TPD52: variants seen among roughly 807,000 people sequenced by gnomAD.
TPD52 encodes tumor protein D52.
Under a neutral mutation model 31.3 loss-of-function variants are expected in TPD52, and 17 were observed. The ratio of observed to expected loss-of-function variants is 0.54; its 90% CI spans 0.37 to 0.82. The LOEUF is 0.82. Ranked by LOEUF, TPD52 falls within the 40% of genes least tolerant of loss-of-function variation. The pLI, the probability that TPD52 is intolerant of heterozygous loss-of-function variation, is 0.00. For synonymous variants in TPD52, 83 were observed against 89.6 expected (o/e 0.93, Z 0.42); for missense variants, 212 against 240.1 (o/e 0.88, Z 0.77).
At chr8:80,069,322 C>T (rs1342987617) in intron 1 of TPD52, among the ~76,000 whole-genome samples, 4 of 151,496 alleles carry the variant, frequency 2.6e-5, no homozygotes, top group East Asian at 3.9e-4. Flanking sequence ...AACCATTAGC[C>T]GGGTATAGTG....
At chr8:80,112,699 T>A (rs562326810) in intron 1 of TPD52, among the ~76,000 whole-genome samples, 1 of 152,302 alleles carries the variant, frequency 6.6e-6, no homozygotes, top group African/African-American at 2.4e-5. Context: ...ACTTATCAGT[T>A]CACACAAATC....
chr8:80,131,274 G>A (rs1037514426), intron 1 of TPD52, among the ~76,000 whole-genome samples: 2 of 152,136 alleles, frequency 1.3e-5, no homozygotes, highest in Non-Finnish European at 2.9e-5. Context: ...TCAGTCCAAC[G>A]ATTCCATCTG....
At chr8:80,129,703 CT>C (rs5892709) in intron 1 of TPD52, among the ~76,000 whole-genome samples, 81 of 130,066 alleles carry the variant, frequency 6.2e-4, no homozygotes, top group Middle Eastern at 3.9e-3. Flanking sequence ...ACTCTCATTT[CT>C]TTTTTTTTTT....
At chr8:80,169,028 A>C (rs1305515314) in intron 1 of TPD52, among the ~76,000 whole-genome samples, 1 of 152,236 alleles carries the variant, frequency 6.6e-6, no homozygotes, top group Non-Finnish European at 1.5e-5. Flanking sequence ...TCTGTCGCCC[A>C]GGCTGGAGTG....
intron 1 of TPD52, among the ~76,000 whole-genome samples, chr8:80,136,523 C>CAAAAAAAAAAAAAAA (rs56656428): frequency 1.5e-5 from 1 of 67,080 alleles, no homozygotes. Context: ...GACTCTGTCT[C>CAAAAAAAAAAAAAAA]AAAAAAAAAA....
In TPD52 at chr8:80,171,505, G is replaced by A. The variant is rs1229183413; in HGVS notation, c.-62C>T. On this transcript the variant is annotated 5_prime_UTR_variant, in exon 1 of 8. Coordinates refer to ENST00000518937, the MANE Select transcript of TPD52 (RefSeq NM_001025253.3). ...CCCGCCTGCAGCCCGTCCCGGCTCG[G>A]ATCGCCCGCCGCGCCGCGCAGAGCT... The A allele has an allele frequency of 1.1e-5, 17 of 1,513,312 alleles. No individual in the cohort carries two copies. The highest frequency in any genetic ancestry group is 1.1e-4 in the Admixed American group (5 of 47,420). 93.7% of individuals were successfully genotyped at this position (1,513,312 alleles called of 1,614,324 possible). A position where few individuals can be genotyped will look rare whatever the true frequency, so the allele number is the denominator to read the frequency against.
At chr8:80,081,743 G>A (rs185894849) in intron 1 of TPD52, among the ~76,000 whole-genome samples, 115 of 151,352 alleles carry the variant, frequency 7.6e-4, no homozygotes, top group Non-Finnish European at 1.5e-3. Context: ...CAGAATATAT[G>A]CTGGATGATT....
chr8:80,095,741 C>T (rs902543850), intron 1 of TPD52, among the ~76,000 whole-genome samples: 3 of 151,912 alleles, frequency 2.0e-5, no homozygotes, highest in African/African-American at 4.8e-5. Flanking sequence ...GTCAAAAGAT[C>T]GAGACCATCC....
At chr8:80,092,380 T>G (rs1459936209) in intron 1 of TPD52, among the ~76,000 whole-genome samples, 1 of 152,108 alleles carries the variant, frequency 6.6e-6, no homozygotes, top group African/African-American at 2.4e-5. Flanking sequence ...TCAAAACAAT[T>G]AAAAACAGAA....
At chr8:80,160,483 C>T (rs532838676) in intron 1 of TPD52, among the ~76,000 whole-genome samples, 104 of 152,262 alleles carry the variant, frequency 6.8e-4, no homozygotes, top group Non-Finnish European at 1.3e-3. Flanking sequence ...AAATAATATT[C>T]CATACTTAAT....
chr8:80,033,017 A>C (rs1336490314), downstream of TPD52: 1 of 152,548 alleles, frequency 6.6e-6, no homozygotes, highest in Non-Finnish European at 1.5e-5. Flanking sequence ...GGTTCCAGCC[A>C]CTGCGCCCAG....
At chr8:80,149,814 A>G (rs1810451294) in intron 1 of TPD52, among the ~76,000 whole-genome samples, 1 of 152,236 alleles carries the variant, frequency 6.6e-6, no homozygotes, top group South Asian at 2.1e-4. Flanking sequence ...TATCTGGCAG[A>G]AGAAATTTCT....
chr8:80,132,841 T>C (rs755438216), intron 1 of TPD52, among the ~76,000 whole-genome samples: 3 of 152,172 alleles, frequency 2.0e-5, no homozygotes, highest in South Asian at 2.1e-4. Context: ...TGCCTGACAC[T>C]GTACCACATG....
chr8:80,160,008 T>C (rs183760656), intron 1 of TPD52, among the ~76,000 whole-genome samples: 9 of 152,120 alleles, frequency 5.9e-5, no homozygotes, highest in Admixed American at 6.5e-5. Context: ...CTGGGCAACA[T>C]AGTAAGACCT....
chr8:80,039,128 C>G (rs1810138299), intron 7 of TPD52, among the ~76,000 whole-genome samples: 1 of 152,180 alleles, frequency 6.6e-6, no homozygotes, highest in Non-Finnish European at 1.5e-5. Flanking sequence ...TGAGTGGTCA[C>G]AGACCCCTTA....
intron 1 of TPD52, among the ~76,000 whole-genome samples, chr8:80,120,096 AACAG>A (rs1459527297): frequency 1.4e-5 from 2 of 144,198 alleles, no homozygotes; most frequent in East Asian, 1.9e-4. Flanking sequence ...AAATATTTAT[AACAG>A]ACAGAGGTTT....
chr8:80,160,269 G>A (rs1811257727), intron 1 of TPD52, among the ~76,000 whole-genome samples: 1 of 152,088 alleles, frequency 6.6e-6, no homozygotes. Context: ...CGAAGCTTTT[G>A]TAGAGCTCTC....
At chr8:80,154,702 GACAT>G (rs1452794706) in intron 1 of TPD52, among the ~76,000 whole-genome samples, 3 of 94,802 alleles carry the variant, frequency 3.2e-5, no homozygotes, top group East Asian at 3.8e-4. Flanking sequence ...TTTGAATCAT[GACAT>G]ACACACACAC....
chr8:80,144,209 T>C (rs1338111082), intron 1 of TPD52, among the ~76,000 whole-genome samples: 1 of 152,238 alleles, frequency 6.6e-6, no homozygotes, highest in Non-Finnish European at 1.5e-5. Context: ...TTTTGTTCTT[T>C]TTCCTACTAT....
Sources: gnomAD v4.1 joint callset for allele counts (sites outside exome capture counted in the v4.1 genomes callset) on GRCh38, gnomAD v4.1.1 for gene constraint, MANE v1.5 for transcripts, NCBI Gene and HGNC (gene_info 2026-07-23, HGNC 2026-07-21) for gene names.